The following DRICH1 variants were observed in gnomAD, a reference collection of about 807,000 sequenced individuals.
DRICH1 encodes the protein aspartate-rich protein 1.
Under a neutral mutation model 39.5 loss-of-function variants are expected in DRICH1, and 38 were observed. The ratio of observed to expected loss-of-function variants is 0.96; its 90% CI spans 0.74 to 1.26. DRICH1 has a LOEUF of 1.26. DRICH1 is among the 50% of genes most tolerant of loss of function. The pLI is 0.00. For synonymous variants in DRICH1, 84 were observed against 99.5 expected (o/e 0.84, Z 0.93); for missense variants, 279 against 270.4 (o/e 1.03, Z -0.22).
At chr22:23,610,892 A>ATT (rs36010947) in intron 11 of DRICH1, among the ~76,000 whole-genome samples, 15 of 139,446 alleles carry the variant, frequency 1.1e-4, no homozygotes, top group Non-Finnish European at 1.1e-4. Context: ...GATGGGCAAA[A>ATT]TTTTTTTTTT....
At chr22:23,604,845 A>G (rs1926647067), downstream of DRICH1, among the ~76,000 whole-genome samples, 1 of 152,172 alleles carries the variant, frequency 6.6e-6, no homozygotes, top group Non-Finnish European at 1.5e-5. Context: ...CAATCACTAG[A>G]GCTGCTAAGC....
chr22:23,608,890 T>C, intron 11 of DRICH1, 122 bp from the exon 12 acceptor site: 1 of 1,064,808 alleles, frequency 9.4e-7, no homozygotes, highest in Non-Finnish European at 1.4e-6. Context: ...CAGTCCAGGC[T>C]GAGGAGAAAT....
At chr22:23,613,211 C>T in intron 11 of DRICH1, 78 bp downstream of exon 11, 2 of 1,080,298 alleles carry the variant, frequency 1.9e-6, no homozygotes, top group Non-Finnish European at 2.9e-6. Flanking sequence ...TCAGCCCCTC[C>T]TCACAAGCAA....
At chr22:23,608,852 C>A in intron 11 of DRICH1, 84 bp from the exon 12 acceptor site, 3 of 1,443,986 alleles carry the variant, frequency 2.1e-6, no homozygotes, top group African/African-American at 1.4e-5. Context: ...GCAGCCTCCA[C>A]GCCAGCATCC....
At chr22:23,630,359 C>T (rs1928317567) in intron 1 of DRICH1, among the ~76,000 whole-genome samples, 3 of 152,266 alleles carry the variant, frequency 2.0e-5, no homozygotes, top group Middle Eastern at 3.4e-3. Flanking sequence ...TTTCTGGGTT[C>T]ACTTTTGCCT....
intron 8 of DRICH1, among the ~76,000 whole-genome samples, chr22:23,615,330 C>T (rs1204547208): frequency 1.3e-5 from 2 of 152,166 alleles, no homozygotes; most frequent in African/African-American, 2.4e-5. Flanking sequence ...GAGCCGCGAT[C>T]ACGCCATTGC....
In DRICH1 at chr22:23,613,985, AG is replaced by A. The variant is rs1460541465; in HGVS notation, c.621+149del. The A allele has an allele frequency of 1.0e-4, 67 of 640,784 alleles. No individual in the cohort carries two copies. The East Asian group carries it at 1.8e-3, about 18-fold the overall frequency. 39.7% of individuals were successfully genotyped at this position (640,784 alleles called of 1,614,324 possible). A position where few individuals can be genotyped will look rare whatever the true frequency, so the allele number is the denominator to read the frequency against. ...CTAGTGGACCACATATAAGTTGGGA[AG>A]ACACTCCTATGGAATTCCAGCCCCA... is the stretch of plus-strand genomic sequence containing the variant. On this transcript the variant is annotated intron_variant, in intron 9 of 11. Transcript: ENST00000317749.
chr22:23,616,996 T>C, intron 7 of DRICH1, 122 bp from the exon 8 acceptor site: 1 of 1,146,036 alleles, frequency 8.7e-7, no homozygotes, highest in Non-Finnish European at 1.3e-6. Context: ...TAAGTCAAGG[T>C]CAAAGACCAA....
chr22:23,615,212 A>G (rs1927282846), intron 8 of DRICH1, among the ~76,000 whole-genome samples: 1 of 152,114 alleles, frequency 6.6e-6, no homozygotes, highest in African/African-American at 2.4e-5. Flanking sequence ...CGTCTCTACT[A>G]AAAATACAAA....
In DRICH1 at chr22:23,608,727, T is replaced by C. The variant is rs1926871787; in HGVS notation, c.*37A>G. 12 of 1,554,712 alleles carry C rather than the reference T, an allele frequency of 7.7e-6. No homozygotes were observed. Among genetic ancestry groups the C allele is most frequent in the Non-Finnish European group, 1.0e-5 (12 of 1,148,142 alleles). On this transcript the variant is annotated 3_prime_UTR_variant, in exon 12 of 12. Coordinates refer to ENST00000317749, the MANE Select transcript of DRICH1 (RefSeq NM_016449.4). ...CCCTGCAGCACGCGCTGGCCTGCCC[T>C]TTGGGTCAGCACCCTGGTCAGCTCC...
intron 11 of DRICH1, among the ~76,000 whole-genome samples, chr22:23,612,434 T>A (rs957324996): frequency 3.2e-5 from 4 of 123,286 alleles, no homozygotes; most frequent in African/African-American, 1.3e-4. Context: ...ACCACTGCAC[T>A]CCAGCCTGGG....
downstream of DRICH1, among the ~76,000 whole-genome samples, chr22:23,605,634 GCCTCCATTCCCA>G (rs879714839): frequency 0.016 from 2,506 of 152,050 alleles, 40 homozygotes; most frequent in South Asian, 0.039. Flanking sequence ...TCCCACCCCT[GCCTCCATTCCCA>G]CCCCTGCCTC....
intron 8 of DRICH1, among the ~76,000 whole-genome samples, chr22:23,614,802 C>T (rs1468380701): frequency 6.6e-6 from 1 of 150,440 alleles, no homozygotes; most frequent in African/African-American, 2.5e-5. Flanking sequence ...AACTTCTACA[C>T]ACACTTTTGG....
the DRICH1 span, among the ~76,000 whole-genome samples, chr22:23,594,093 G>A: frequency 2.0e-5 from 3 of 151,930 alleles, no homozygotes; most frequent in Non-Finnish European, 4.4e-5. Context: ...GAGAGAGGAA[G>A]GAACAGAGAT....
the DRICH1 span, among the ~76,000 whole-genome samples, chr22:23,603,383 C>T: frequency 3.3e-5 from 5 of 151,928 alleles, no homozygotes; most frequent in African/African-American, 1.2e-4. Flanking sequence ...CTCCAGGTTC[C>T]TCACCTCCCC....
At chr22:23,582,827 C>G in the DRICH1 span, among the ~76,000 whole-genome samples, 4 of 152,198 alleles carry the variant, frequency 2.6e-5, no homozygotes, top group African/African-American at 4.8e-5. Context: ...TCCCAAAGAG[C>G]TGGGATTACA....
chr22:23,589,441 A>G, the DRICH1 span, among the ~76,000 whole-genome samples: 1 of 151,968 alleles, frequency 6.6e-6, no homozygotes, highest in Non-Finnish European at 1.5e-5. Flanking sequence ...ACAGAGCAAC[A>G]CTGTCTCATT....
chr22:23,593,198 AAT>A, the DRICH1 span, among the ~76,000 whole-genome samples: 1 of 152,186 alleles, frequency 6.6e-6, no homozygotes, highest in African/African-American at 2.4e-5. Flanking sequence ...TGAGAATATC[AAT>A]ATAGAGATAT....
chr22:23,632,679 G>GGC (rs1555910830), upstream of DRICH1: 4 of 110,192 alleles, frequency 3.6e-5, no homozygotes, highest in African/African-American at 1.2e-4. Context: ...AGGCTGAGCG[G>GGC]GGGGGGTGGA....
Sources: allele counts gnomAD v4.1 joint callset (sites outside exome capture counted in the v4.1 genomes callset), GRCh38; gene constraint gnomAD v4.1.1; transcripts MANE v1.5; gene names NCBI Gene and HGNC (gene_info 2026-07-23, HGNC 2026-07-21).